Variants in SEMA6A observed in about 807,000 individuals in gnomAD.
SEMA6A encodes the protein semaphorin 6A.
A neutral mutation model predicts 96.8 loss-of-function variants in SEMA6A; 25 were observed. That is an observed-to-expected ratio of 0.26 (90% CI 0.19 to 0.36). The LOEUF (loss-of-function observed/expected upper bound fraction) is 0.36. SEMA6A is among the 10% of genes least tolerant of loss of function. The pLI is 1.00. For synonymous variants in SEMA6A, 612 were observed against 518.0 expected, an observed-to-expected ratio of 1.18 and a Z score of -2.46; for missense variants, 1,363 against 1,323.1, an observed-to-expected ratio of 1.03 and a Z score of -0.47.
intron 17 of SEMA6A, chr5:116,472,804 G>T: frequency 9.4e-7 from 1 of 1,066,398 alleles, no homozygotes; most frequent in Non-Finnish European, 1.3e-6. Context: ...GGTCCATGAT[G>T]TTTAGGAATG....
intron 18 of SEMA6A, among the ~76,000 whole-genome samples, chr5:116,462,399 G>T (rs1293081910): frequency 1.3e-5 from 2 of 152,132 alleles, no homozygotes; most frequent in East Asian, 3.8e-4. Flanking sequence ...CAAAATAGAT[G>T]AAAAGTGGAA....
intron 7 of SEMA6A, among the ~76,000 whole-genome samples, chr5:116,489,616 C>G (rs9885340): frequency 0.36 from 54,023 of 152,100 alleles, 12,212 homozygotes; most frequent in African/African-American, 0.65. Context: ...TATTTGCTTC[C>G]GCATCTCCAA....
intron 9 of SEMA6A, 114 bp downstream of exon 9, chr5:116,487,994 C>T: frequency 3.1e-6 from 2 of 636,174 alleles, no homozygotes; most frequent in Non-Finnish European, 2.7e-6. Context: ...CCAGACCGCA[C>T]TCTGTTATTA....
intron 1 of SEMA6A, among the ~76,000 whole-genome samples, chr5:116,527,869 G>A (rs2112832407): frequency 6.6e-6 from 1 of 152,164 alleles, no homozygotes; most frequent in Non-Finnish European, 1.5e-5. Context: ...TCCAACTCAG[G>A]TGTTACTATT....
In SEMA6A at chr5:116,545,808, T is replaced by C. The variant is rs191665546; in HGVS notation, c.-39+28377A>G. Among the ~76,000 whole-genome samples the C allele has an allele frequency of 2.0e-3, 309 of 152,196 alleles. 2 individuals carry two copies. The highest frequency in any genetic ancestry group is 2.6e-3 in the Non-Finnish European group (178 of 68,010). On this transcript the variant is annotated intron_variant, in intron 1 of 18. Transcript: ENST00000343348. ...AAAATGGAGACAAGAACCAATCTAG[T>C]CTTTGGATGAAGACTTGGAGATGCC...
intron 2 of SEMA6A, among the ~76,000 whole-genome samples, chr5:116,504,504 A>G (rs1758046603): frequency 6.6e-6 from 1 of 152,222 alleles, no homozygotes; most frequent in Non-Finnish European, 1.5e-5. Context: ...TGAATTATAT[A>G]TAAAAGCGAG....
chr5:116,476,884 T>A (rs933436435), intron 15 of SEMA6A, among the ~76,000 whole-genome samples: 7 of 152,234 alleles, frequency 4.6e-5, no homozygotes, highest in Non-Finnish European at 7.3e-5. Flanking sequence ...GTCAAATTTC[T>A]AGGTCAGATT....
At position 116,519,724 on chromosome 5, in the gene SEMA6A, C is replaced by G. The variant is rs372564248; in HGVS notation, c.-38-14742G>C. ...ACATACATTATACATATAATACAGA[C>G]TTACATAAAACACTGTGAGTTAAGA... is the stretch of plus-strand genomic sequence containing the variant. On this transcript the variant is annotated intron_variant, in intron 1 of 18. Coordinates refer to ENST00000343348, the MANE Select transcript of SEMA6A (RefSeq NM_020796.5). Among the ~76,000 whole-genome samples the G allele has an allele frequency of 2.0e-4, 30 of 152,062 alleles. 1 individual carries two copies. The highest frequency in any genetic ancestry group is 1.2e-3 in the East Asian group (6 of 5,172).
chr5:116,478,515 T>C (rs1301342549), intron 13 of SEMA6A, 27 bp downstream of exon 13: 2 of 1,574,492 alleles, frequency 1.3e-6, no homozygotes, highest in South Asian at 1.2e-5. Context: ...AAATAATTAC[T>C]AAGAAAGAAC....
chr5:116,512,876 G>T (rs1758483932), intron 1 of SEMA6A, among the ~76,000 whole-genome samples: 1 of 152,214 alleles, frequency 6.6e-6, no homozygotes. Context: ...TATCTCAAAA[G>T]TCTGCAACAG....
intron 1 of SEMA6A, among the ~76,000 whole-genome samples, chr5:116,525,153 T>C (rs1297814768): frequency 2.0e-5 from 3 of 152,228 alleles, no homozygotes; most frequent in Non-Finnish European, 4.4e-5. Context: ...CAGCACCTAC[T>C]GTGTGCCAGG....
intron 1 of SEMA6A, among the ~76,000 whole-genome samples, chr5:116,565,592 C>A (rs1760994463): frequency 6.6e-6 from 1 of 152,212 alleles, no homozygotes; most frequent in Non-Finnish European, 1.5e-5. Flanking sequence ...AATTTGGTTT[C>A]TATTTATCGC....
At chr5:116,471,381 T>G (rs1756134725) in intron 17 of SEMA6A, 1 of 152,214 alleles carries the variant, frequency 6.6e-6, no homozygotes, top group Non-Finnish European at 1.5e-5. Flanking sequence ...GAGTTAAAAT[T>G]GGTCTTGGTA....
At position 116,526,150 on chromosome 5, in the gene SEMA6A, C is replaced by T. The variant is rs546085955; in HGVS notation, c.-38-21168G>A. On this transcript the variant is annotated intron_variant, in intron 1 of 18. Coordinates refer to ENST00000343348, the MANE Select transcript of SEMA6A (RefSeq NM_020796.5). ...GCCTTTTCCCCCCTTCTTTTTTATC[C>T]TTTGTGTCTTGAACTACTCTTCCCA... 3.2e-3 allele frequency among the ~76,000 whole-genome samples: 480 copies of T among 152,034 alleles called. 3 individuals carry two copies. Among genetic ancestry groups the T allele is most frequent in the African/African-American group, 0.011 (476 of 41,460 alleles).
At chr5:116,568,124 G>A (rs1761082644) in intron 1 of SEMA6A, among the ~76,000 whole-genome samples, 1 of 152,176 alleles carries the variant, frequency 6.6e-6, no homozygotes, top group Non-Finnish European at 1.5e-5. Flanking sequence ...AAATAATTTA[G>A]AAGATGAAGT....
intron 1 of SEMA6A, among the ~76,000 whole-genome samples, chr5:116,535,338 T>C (rs1428254010): frequency 1.3e-5 from 2 of 152,094 alleles, no homozygotes; most frequent in Non-Finnish European, 2.9e-5. Context: ...AACACAAAAT[T>C]GTGTTTGCAG....
At chr5:116,499,739 G>A (rs1219080888) in intron 3 of SEMA6A, among the ~76,000 whole-genome samples, 1 of 152,198 alleles carries the variant, frequency 6.6e-6, no homozygotes, top group Non-Finnish European at 1.5e-5. Flanking sequence ...TCAAATATTA[G>A]TGTGTTTCTT....
chr5:116,527,031 T>A (rs1479418287), intron 1 of SEMA6A, among the ~76,000 whole-genome samples: 1 of 152,152 alleles, frequency 6.6e-6, no homozygotes, highest in Non-Finnish European at 1.5e-5. Context: ...TCTGTGACCT[T>A]AATATTACAT....
chr5:116,484,678 G>T (rs1756960734), intron 10 of SEMA6A, among the ~76,000 whole-genome samples: 1 of 152,212 alleles, frequency 6.6e-6, no homozygotes, highest in South Asian at 2.1e-4. Context: ...ACATCTTCAG[G>T]ACGGTCTGGT....
Sources: allele counts gnomAD v4.1 joint callset (sites outside exome capture counted in the v4.1 genomes callset), GRCh38; gene constraint gnomAD v4.1.1; transcripts MANE v1.5; gene names NCBI Gene and HGNC (gene_info 2026-07-23, HGNC 2026-07-21).